The following MAGI1 variants were observed in gnomAD, a reference collection of about 807,000 sequenced individuals.
The protein encoded by MAGI1 is membrane-associated guanylate kinase, WW and PDZ domain-containing protein 1.
MAGI1 carries 58 observed loss-of-function variants against 139.9 expected under a neutral mutation model. The ratio of observed to expected loss-of-function variants is 0.41; its 90% CI spans 0.34 to 0.52. MAGI1 has a LOEUF of 0.52. Ranked by LOEUF, MAGI1 falls within the 20% of genes least tolerant of loss-of-function variation. The pLI is 0.12. For synonymous variants in MAGI1, 812 were observed against 737.9 expected, an observed-to-expected ratio of 1.10 and a Z score of -1.63; for missense variants, 1,874 against 1,901.6, an observed-to-expected ratio of 0.99 and a Z score of 0.27.
intron 1 of MAGI1, among the ~76,000 whole-genome samples, chr3:65,926,368 T>C (rs113544385): frequency 1.1e-4 from 16 of 147,658 alleles, no homozygotes; most frequent in African/African-American, 2.0e-4. Flanking sequence ...TCTCTCTCTC[T>C]CCCTCTTTCC....
intron 1 of MAGI1, among the ~76,000 whole-genome samples, chr3:65,851,535 G>A (rs1375803602): frequency 3.9e-5 from 6 of 152,080 alleles, no homozygotes; most frequent in Admixed American, 3.9e-4. Context: ...GATCACTTGA[G>A]GTCAGGAGTT....
chr3:65,867,612 A>G (rs79366468), intron 1 of MAGI1, among the ~76,000 whole-genome samples: 24,514 of 152,034 alleles, frequency 0.16, 2,526 homozygotes, highest in East Asian at 0.34. Flanking sequence ...GCCCACGCCT[A>G]AAGTCCCAGT....
chr3:65,469,905 T>C (rs1450427569), intron 5 of MAGI1: 1 of 147,982 alleles, frequency 6.8e-6, no homozygotes, highest in Non-Finnish European at 1.5e-5. Flanking sequence ...ATTTTTAATA[T>C]ATTTATTTTT....
chr3:65,748,997 G>T (rs544124073), intron 1 of MAGI1, among the ~76,000 whole-genome samples: 1 of 152,306 alleles, frequency 6.6e-6, no homozygotes, highest in African/African-American at 2.4e-5. Flanking sequence ...AAACAGGCCA[G>T]CGGCAGTAGG....
intron 1 of MAGI1, among the ~76,000 whole-genome samples, chr3:66,031,477 T>C (rs1331134081): frequency 6.6e-6 from 1 of 152,272 alleles, no homozygotes; most frequent in Middle Eastern, 3.4e-3. Context: ...CTGTATGCCA[T>C]TGCCACAGAA....
intron 1 of MAGI1, among the ~76,000 whole-genome samples, chr3:65,999,990 T>TTC (rs2066655938): frequency 1.3e-5 from 2 of 149,286 alleles, no homozygotes; most frequent in Admixed American, 6.7e-5. Flanking sequence ...TTTTTTTTTT[T>TTC]GATACGGAGT....
At chr3:65,430,631 T>C in intron 11 of MAGI1, 68 bp downstream of exon 11, 1 of 1,518,608 alleles carries the variant, frequency 6.6e-7, no homozygotes, top group South Asian at 1.2e-5. Context: ...AACATCATGA[T>C]TGCACATGTT....
At chr3:65,364,808 A>T in intron 19 of MAGI1, 45 bp downstream of exon 19, 2 of 1,607,928 alleles carry the variant, frequency 1.2e-6, no homozygotes, top group Non-Finnish European at 1.7e-6. Context: ...TCATGCTGGG[A>T]GTTACTTTTT....
At chr3:65,832,370 A>C (rs2042576020) in intron 1 of MAGI1, among the ~76,000 whole-genome samples, 1 of 152,206 alleles carries the variant, frequency 6.6e-6, no homozygotes, top group Admixed American at 6.5e-5. Flanking sequence ...TGGTTTTAGC[A>C]CATGTAATGA....
chr3:65,437,557 A>T (rs1947940905), intron 9 of MAGI1, among the ~76,000 whole-genome samples: 1 of 152,170 alleles, frequency 6.6e-6, no homozygotes, highest in Non-Finnish European at 1.5e-5. Flanking sequence ...GCAGCTGTAT[A>T]AGGGAGAAAT....
chr3:65,576,102 T>A lies in MAGI1; in HGVS notation c.430+45870A>T, dbSNP rs571197145. Among the ~76,000 whole-genome samples, 587 of 152,342 alleles carry A rather than the reference T, an allele frequency of 3.9e-3. 4 individuals carry two copies. The highest frequency in any genetic ancestry group is 0.014 in the African/African-American group (566 of 41,570). On this transcript the variant is annotated intron_variant, in intron 2 of 22. Coordinates refer to ENST00000402939, the MANE Select transcript of MAGI1 (RefSeq NM_001033057.2). ...TAAAGATGTTTTTAGAGTCATTAGA[T>A]ATTTGTCTAATTTTGTTTTCTAATT...
intron 1 of MAGI1, among the ~76,000 whole-genome samples, 197 bp from the exon 2 acceptor site, chr3:65,622,285 G>A (rs997097085): frequency 4.6e-5 from 7 of 152,110 alleles, no homozygotes; most frequent in Admixed American, 4.6e-4. Context: ...AACAGCACTG[G>A]CAATGCATTA....
chr3:65,491,511 T>C (rs988988198), intron 3 of MAGI1, among the ~76,000 whole-genome samples: 3 of 151,970 alleles, frequency 2.0e-5, no homozygotes, highest in African/African-American at 7.3e-5. Context: ...AAAATGCAAA[T>C]AGATGTTTTA....
intron 1 of MAGI1, among the ~76,000 whole-genome samples, chr3:65,760,148 TTCCTCCTCCTCC>T (rs34314563): frequency 2.0e-5 from 3 of 150,190 alleles, no homozygotes; most frequent in Non-Finnish European, 4.4e-5. Flanking sequence ...TGTCTTCAAC[TTCCTCCTCCTCC>T]TCCTCCTCCT....
intron 3 of MAGI1, among the ~76,000 whole-genome samples, chr3:65,492,523 A>G (rs1045224416): frequency 6.6e-6 from 1 of 152,238 alleles, no homozygotes; most frequent in Non-Finnish European, 1.5e-5. Flanking sequence ...GAAGAAAACC[A>G]GAAGTGCTTT....
intron 4 of MAGI1, among the ~76,000 whole-genome samples, chr3:65,472,530 T>G (rs1367060146): frequency 6.6e-6 from 1 of 152,220 alleles, no homozygotes; most frequent in Non-Finnish European, 1.5e-5. Context: ...TTTAAAAAGT[T>G]CTAATTTCAG....
At chr3:65,866,354 T>C (rs908948472) in intron 1 of MAGI1, among the ~76,000 whole-genome samples, 5 of 146,358 alleles carry the variant, frequency 3.4e-5, no homozygotes, top group African/African-American at 4.9e-5. Context: ...CCTACTTCTT[T>C]TTTTTTTTTT....
intron 18 of MAGI1, among the ~76,000 whole-genome samples, chr3:65,368,656 T>A (rs1474525611): frequency 6.6e-6 from 1 of 152,230 alleles, no homozygotes; most frequent in Non-Finnish European, 1.5e-5. Flanking sequence ...AACACGTATG[T>A]AATAAATATC....
intron 2 of MAGI1, among the ~76,000 whole-genome samples, chr3:65,615,721 T>TA (rs1465358729): frequency 6.6e-6 from 1 of 152,202 alleles, no homozygotes; most frequent in African/African-American, 2.4e-5. Flanking sequence ...TCTGAGCCCA[T>TA]ACTCTAAGCT....
Sources: allele counts gnomAD v4.1 joint callset (sites outside exome capture counted in the v4.1 genomes callset), GRCh38; gene constraint gnomAD v4.1.1; transcripts MANE v1.5; gene names NCBI Gene and HGNC (gene_info 2026-07-23, HGNC 2026-07-21).